The following FRMD3 variants were observed in gnomAD, a reference collection of about 807,000 sequenced individuals.
FRMD3 encodes FERM domain-containing protein 3.
In FRMD3, 33 loss-of-function variants were observed where a neutral mutation model predicts 70.2. The ratio of observed to expected loss-of-function variants is 0.47; its 90% confidence interval spans 0.36 to 0.63. The LOEUF (loss-of-function observed/expected upper bound fraction) is 0.63, where lower values mean the gene tolerates loss of function less well. Ranked by LOEUF, FRMD3 falls within the 20% of genes least tolerant of loss-of-function variation. FRMD3 has a pLI of 0.00. For synonymous variants in FRMD3, 279 were observed against 255.9 expected, an observed-to-expected ratio of 1.09 and a Z score of -0.86; for missense variants, 632 against 711.4, an observed-to-expected ratio of 0.89 and a Z score of 1.27.
intron 1 of FRMD3, among the ~76,000 whole-genome samples, chr9:83,407,878 T>TTC (rs147066768): frequency 0.11 from 9,410 of 88,526 alleles, 576 homozygotes; most frequent in South Asian, 0.25. Flanking sequence ...TCTCTCATCT[T>TTC]TCTCTCTCTC....
chr9:83,345,982 C>T (rs912905536), intron 4 of FRMD3, among the ~76,000 whole-genome samples: 32 of 151,958 alleles, frequency 2.1e-4, no homozygotes, highest in African/African-American at 2.4e-5. Flanking sequence ...CAGGGCAGGG[C>T]ACAGAGGCTC....
At chr9:83,524,839 CTT>C (rs1261222597) in intron 1 of FRMD3, among the ~76,000 whole-genome samples, 6 of 152,112 alleles carry the variant, frequency 3.9e-5, no homozygotes, top group Non-Finnish European at 7.4e-5. Flanking sequence ...AAATACTCCA[CTT>C]ATCATAACAT....
At chr9:83,411,578 G>C (rs1351950512) in intron 1 of FRMD3, among the ~76,000 whole-genome samples, 2 of 152,224 alleles carry the variant, frequency 1.3e-5, no homozygotes, top group African/African-American at 4.8e-5. Context: ...TAAAACTAGA[G>C]TGTCTAATTG....
chr9:83,363,647 G>A (rs1006101881), intron 3 of FRMD3, among the ~76,000 whole-genome samples: 15 of 138,264 alleles, frequency 1.1e-4, no homozygotes, highest in African/African-American at 3.5e-4. Flanking sequence ...TCCGCCCCCC[G>A]GGGTTCACGC....
the FRMD3 span, among the ~76,000 whole-genome samples, chr9:83,584,600 A>G: frequency 6.6e-6 from 1 of 152,194 alleles, no homozygotes; most frequent in African/African-American, 2.4e-5. Flanking sequence ...ATGGACAGAA[A>G]GTTTTGTTTC....
chr9:83,498,885 G>A (rs1255070614), intron 1 of FRMD3, among the ~76,000 whole-genome samples: 1 of 152,080 alleles, frequency 6.6e-6, no homozygotes, highest in Non-Finnish European at 1.5e-5. Flanking sequence ...CAACACTTGA[G>A]AGAAATATCT....
At chr9:83,484,869 C>T (rs1054329094) in intron 1 of FRMD3, among the ~76,000 whole-genome samples, 1 of 152,182 alleles carries the variant, frequency 6.6e-6, no homozygotes, top group African/African-American at 2.4e-5. Context: ...TATAGAGAAA[C>T]ACTCCATCTT....
At chr9:83,324,371 C>T (rs949269996) in intron 6 of FRMD3, among the ~76,000 whole-genome samples, 1 of 152,056 alleles carries the variant, frequency 6.6e-6, no homozygotes, top group African/African-American at 2.4e-5. Flanking sequence ...CTGGGAGGGG[C>T]ACATAGGAGA....
At chr9:83,341,112 A>G (rs928297486) in intron 5 of FRMD3, among the ~76,000 whole-genome samples, 28 of 152,136 alleles carry the variant, frequency 1.8e-4, no homozygotes, top group African/African-American at 6.3e-4. Flanking sequence ...ATGCCCATCT[A>G]TATCTGTATT....
intron 12 of FRMD3, among the ~76,000 whole-genome samples, chr9:83,296,721 GGGAA>G (rs1192113772): frequency 2.8e-4 from 42 of 152,232 alleles, no homozygotes; most frequent in Middle Eastern, 3.4e-3. Context: ...TTCCAGAAAA[GGGAA>G]ACTATGATTT....
the FRMD3 span, among the ~76,000 whole-genome samples, chr9:83,568,800 T>C: frequency 2.6e-5 from 4 of 152,150 alleles, no homozygotes; most frequent in African/African-American, 9.7e-5. Flanking sequence ...GTGTAAAAAA[T>C]GATAGGTAAG....
rs573001356 is a variant in FRMD3 at position 83,246,501 on chromosome 9, C to T, written c.*1417G>A. On this transcript the variant is annotated 3_prime_UTR_variant, in exon 14 of 14. Coordinates refer to ENST00000304195, the MANE Select transcript of FRMD3 (RefSeq NM_174938.6). ...GGTTAGGGTCATGTCACTACTTTACCCAGGCTGAACTGGTATGTCATCTCA... is the reference window on the plus strand; with the variant it reads ...GGTTAGGGTCATGTCACTACTTTACTCAGGCTGAACTGGTATGTCATCTCA... 200 of 985,080 alleles carry T rather than the reference C, an allele frequency of 2.0e-4. 1 individual carries two copies. The highest frequency in any genetic ancestry group is 2.3e-4 in the Non-Finnish European group (194 of 829,900). 61.0% of individuals were successfully genotyped at this position (985,080 alleles called of 1,614,324 possible).
intron 6 of FRMD3, among the ~76,000 whole-genome samples, chr9:83,317,970 C>A (rs61572195): frequency 0.12 from 17,793 of 152,152 alleles, 1,241 homozygotes; most frequent in East Asian, 0.23. Context: ...GTTTCAAAAC[C>A]AGTAACCACG....
intron 1 of FRMD3, among the ~76,000 whole-genome samples, chr9:83,426,081 C>T (rs943159491): frequency 3.9e-5 from 6 of 152,002 alleles, no homozygotes; most frequent in African/African-American, 1.5e-4. Flanking sequence ...TAATTTTAAA[C>T]CCGCTAATGT....
the FRMD3 span, among the ~76,000 whole-genome samples, chr9:83,562,833 G>A: frequency 8.5e-5 from 13 of 152,058 alleles, no homozygotes; most frequent in African/African-American, 1.7e-4. Context: ...CTTTCATTTC[G>A]GAGCTCTGGA....
intron 1 of FRMD3, among the ~76,000 whole-genome samples, chr9:83,451,387 C>A (rs1827650555): frequency 1.4e-5 from 1 of 72,538 alleles, no homozygotes; most frequent in African/African-American, 5.7e-5. Flanking sequence ...CAAATACATA[C>A]ATCACACACA....
At chr9:83,573,352 A>G in the FRMD3 span, among the ~76,000 whole-genome samples, 71 of 152,336 alleles carry the variant, frequency 4.7e-4, 1 homozygote, top group East Asian at 0.013. Flanking sequence ...GTTTTTGTTT[A>G]TATAACAAAT....
chr9:83,536,355 G>A (rs1378111522), intron 1 of FRMD3, among the ~76,000 whole-genome samples: 1 of 152,014 alleles, frequency 6.6e-6, no homozygotes, highest in Non-Finnish European at 1.5e-5. Context: ...TGAGGGAGGG[G>A]AAAAAAATGT....
chr9:83,367,894 G>A lies in FRMD3; in HGVS notation c.295+5019C>T, dbSNP rs540411553. On this transcript the variant is annotated intron_variant, in intron 3 of 13. Coordinates refer to ENST00000304195, the MANE Select transcript of FRMD3 (RefSeq NM_174938.6). ...TGTCCCTTCATTTGCTCCTGATATTGGTAATTTGTGTCTTCTCCCTCTTTT... is the reference window on the plus strand; with the variant it reads ...TGTCCCTTCATTTGCTCCTGATATTAGTAATTTGTGTCTTCTCCCTCTTTT... Among the ~76,000 whole-genome samples, 4 of 152,148 alleles carry A rather than the reference G, an allele frequency of 2.6e-5. No individual in the cohort carries two copies. The East Asian group carries it at 7.7e-4, about 29-fold the overall frequency.
Sources: allele counts gnomAD v4.1 joint callset (sites outside exome capture counted in the v4.1 genomes callset), GRCh38; gene constraint gnomAD v4.1.1; transcripts MANE v1.5; gene names NCBI Gene and HGNC (gene_info 2026-07-23, HGNC 2026-07-21).